The following BBS12 variants were observed in gnomAD, a reference collection of about 807,000 sequenced individuals.
The protein encoded by BBS12 is Bardet-Biedl syndrome 12, also known as chaperonin-containing T-complex member BBS12.
BBS12 carries 5 observed loss-of-function variants against 5.6 expected under a neutral mutation model. The observed-to-expected ratio is 0.89, with a 90% CI of 0.46 to 1.86. The LOEUF (loss-of-function observed/expected upper bound fraction) is 1.86. Among genes scored for constraint, BBS12 ranks in the 40% most tolerant of loss-of-function variants. The pLI, the probability that BBS12 is intolerant of heterozygous loss-of-function variation, is 0.01. For missense variants in BBS12, 748 were observed against 830.4 expected (o/e 0.90, Z 1.22); for synonymous variants, 308 against 306.8 (o/e 1.00, Z -0.04).
chr4:122,715,830 T>C, the BBS12 span, among the ~76,000 whole-genome samples: 1 of 152,214 alleles, frequency 6.6e-6, no homozygotes, highest in Non-Finnish European at 1.5e-5. Flanking sequence ...TCCCAGGACA[T>C]AATTTACTTT....
At chr4:122,730,869 G>C (rs1800688270), upstream of BBS12, 1 of 152,072 alleles carries the variant, frequency 6.6e-6, no homozygotes, top group South Asian at 2.1e-4. Flanking sequence ...CAAACCTCTT[G>C]ATACCGGTTA....
At chr4:122,734,682 T>A (rs1344360608) in intron 1 of BBS12, among the ~76,000 whole-genome samples, 1 of 152,222 alleles carries the variant, frequency 6.6e-6, no homozygotes, top group Non-Finnish European at 1.5e-5. Context: ...TCATGTTTGA[T>A]CTAATGACAA....
chr4:122,737,846 T>C (rs186352730), intron 1 of BBS12, among the ~76,000 whole-genome samples: 3 of 152,354 alleles, frequency 2.0e-5, no homozygotes, highest in East Asian at 1.9e-4. Flanking sequence ...TGGAATTGAA[T>C]TGAGAGTCCA....
chr4:122,714,671 CA>C, the BBS12 span, among the ~76,000 whole-genome samples: 7 of 151,686 alleles, frequency 4.6e-5, no homozygotes, highest in Non-Finnish European at 1.0e-4. Flanking sequence ...TATGTATAAA[CA>C]AGCTAACTTC....
chr4:122,718,712 G>GTGAAATGAAATGAAATGAAA, the BBS12 span, among the ~76,000 whole-genome samples: 1,758 of 146,292 alleles, frequency 0.012, 16 homozygotes, highest in African/African-American at 0.019. Flanking sequence ...GGGATTCGAT[G>GTGAAATGAAATGAAATGAAA]TGAAATGAAA....
At position 122,744,044 on chromosome 4, in the gene BBS12, T is replaced by C; in HGVS notation, c.*19T>C. 1.9e-6 allele frequency: 3 copies of C among 1,599,842 alleles called. No individual in the cohort carries two copies. Among genetic ancestry groups the C allele is most frequent in the Non-Finnish European group, 2.6e-6 (3 of 1,167,266 alleles). ...TTTGTAGTGTTACTGGCTAAGTCTT[T>C]GGAAAATAATTTTTCATAATATGTC... On this transcript the variant is annotated 3_prime_UTR_variant, in exon 2 of 2. Transcript: ENST00000314218.
chr4:122,702,004 C>T, the BBS12 span, among the ~76,000 whole-genome samples: 1 of 152,146 alleles, frequency 6.6e-6, no homozygotes, highest in Non-Finnish European at 1.5e-5. Flanking sequence ...TTTCCTCTCC[C>T]CAAAGCTCAT....
At chr4:122,735,128 A>G (rs1360956568) in intron 1 of BBS12, among the ~76,000 whole-genome samples, 1 of 152,210 alleles carries the variant, frequency 6.6e-6, no homozygotes, top group Non-Finnish European at 1.5e-5. Context: ...GGGTATAGAA[A>G]GTGCGTTGGG....
At chr4:122,734,919 AGG>A (rs1403210123) in intron 1 of BBS12, among the ~76,000 whole-genome samples, 423 of 152,304 alleles carry the variant, frequency 2.8e-3, no homozygotes, top group African/African-American at 8.1e-3. Flanking sequence ...TTAAACACAT[AGG>A]CACTCTTAAA....
At chr4:122,712,074 G>C in the BBS12 span, among the ~76,000 whole-genome samples, 1 of 152,218 alleles carries the variant, frequency 6.6e-6, no homozygotes, top group Non-Finnish European at 1.5e-5. Context: ...TTGACCAGCA[G>C]TCTCCTAGGT....
the BBS12 span, among the ~76,000 whole-genome samples, chr4:122,713,131 G>A: frequency 5.1e-4 from 77 of 152,162 alleles, no homozygotes; most frequent in African/African-American, 1.8e-3. Flanking sequence ...TAATGAATAT[G>A]GTTTGTCTGC....
upstream of BBS12, chr4:122,728,936 T>G (rs371982646): frequency 6.6e-6 from 1 of 152,386 alleles, no homozygotes; most frequent in Non-Finnish European, 1.5e-5. Context: ...TCTGAGCACT[T>G]CTGTCCACTG....
chr4:122,741,428 G>A (rs444145), intron 1 of BBS12, among the ~76,000 whole-genome samples: 40,380 of 151,806 alleles, frequency 0.27, 6,431 homozygotes, highest in African/African-American at 0.44. Flanking sequence ...CTCGTGATCC[G>A]CCCGCCTCGG....
chr4:122,707,236 T>A, the BBS12 span, among the ~76,000 whole-genome samples: 1 of 151,960 alleles, frequency 6.6e-6, no homozygotes, highest in Admixed American at 6.6e-5. Flanking sequence ...CTTTTTCAAT[T>A]CTGAAAGCAA....
At chr4:122,724,914 G>A in the BBS12 span, among the ~76,000 whole-genome samples, 2 of 152,142 alleles carry the variant, frequency 1.3e-5, no homozygotes, top group Non-Finnish European at 2.9e-5. Flanking sequence ...CTTAAATCCA[G>A]ATCATCTCAA....
At chr4:122,703,499 G>A in the BBS12 span, among the ~76,000 whole-genome samples, 26 of 152,300 alleles carry the variant, frequency 1.7e-4, no homozygotes, top group African/African-American at 5.8e-4. Flanking sequence ...CTATGATGGT[G>A]CCACTGCACT....
At chr4:122,727,398 C>A in the BBS12 span, among the ~76,000 whole-genome samples, 31 of 152,044 alleles carry the variant, frequency 2.0e-4, no homozygotes, top group Middle Eastern at 3.4e-3. Context: ...GTGCCTGCCA[C>A]CATGTCCAGC....
the BBS12 span, among the ~76,000 whole-genome samples, chr4:122,704,771 G>T: frequency 6.6e-6 from 1 of 152,138 alleles, no homozygotes; most frequent in Non-Finnish European, 1.5e-5. Context: ...GACTCTCCAG[G>T]TAGAACTAAT....
chr4:122,709,637 C>CAT, the BBS12 span, among the ~76,000 whole-genome samples: 181 of 151,838 alleles, frequency 1.2e-3, 5 homozygotes, highest in East Asian at 0.024. Flanking sequence ...TACATTTGTG[C>CAT]ATATATATAT....
Sources: allele counts gnomAD v4.1 joint callset (sites outside exome capture counted in the v4.1 genomes callset), GRCh38; gene constraint gnomAD v4.1.1; transcripts MANE v1.5; gene names NCBI Gene and HGNC (gene_info 2026-07-23, HGNC 2026-07-21).